The following HMSD variants were observed in gnomAD, a reference collection of about 807,000 sequenced individuals.
HMSD encodes histocompatibility minor serpin domain containing, also known as serpin-like protein HMSD.
HMSD carries 13 observed loss-of-function variants against 10.0 expected under a neutral mutation model. The observed-to-expected ratio is 1.31, with a 90% CI of 0.85 to 2.08. HMSD has a LOEUF of 2.08. Ranked by LOEUF, HMSD falls within the 30% of genes most tolerant of loss-of-function variation. The pLI is 0.00. For synonymous variants in HMSD, 51 were observed against 54.2 expected (o/e 0.94, Z 0.26); for missense variants, 169 against 166.3 (o/e 1.02, Z -0.09).
chr18:63,956,943 C>T (rs151028955), intron 3 of HMSD, among the ~76,000 whole-genome samples: 1,566 of 152,156 alleles, frequency 0.01, 15 homozygotes, highest in Non-Finnish European at 0.013. Flanking sequence ...GAACTGGAGG[C>T]TATTAATCAT....
At chr18:63,951,638 G>A (rs1450004664) in intron 1 of HMSD, among the ~76,000 whole-genome samples, 15 of 152,078 alleles carry the variant, frequency 9.9e-5, no homozygotes, top group African/African-American at 3.1e-4. Flanking sequence ...AAAAACAGAC[G>A]TGTAAAAAAA....
chr18:63,966,160 G>T (rs1462078801), downstream of HMSD, among the ~76,000 whole-genome samples: 2 of 152,152 alleles, frequency 1.3e-5, no homozygotes, highest in Non-Finnish European at 1.5e-5. Flanking sequence ...ATCGCAGTGT[G>T]GGTTTTCGTG....
chr18:63,950,718 A>G (rs1033842903), intron 1 of HMSD, among the ~76,000 whole-genome samples: 1 of 140,320 alleles, frequency 7.1e-6, no homozygotes, highest in African/African-American at 3.3e-5. Context: ...CAAAAAAAAG[A>G]AAAAAGCAAA....
At chr18:63,959,105 G>C (rs965940401) in intron 3 of HMSD, among the ~76,000 whole-genome samples, 1 of 152,146 alleles carries the variant, frequency 6.6e-6, no homozygotes, top group Non-Finnish European at 1.5e-5. Context: ...TACAGTCATG[G>C]GGGACAGCTT....
At chr18:63,951,433 C>T (rs1186675135) in intron 1 of HMSD, among the ~76,000 whole-genome samples, 1 of 152,020 alleles carries the variant, frequency 6.6e-6, no homozygotes, top group African/African-American at 2.4e-5. Flanking sequence ...CTAAATAAAC[C>T]TGCACTCACC....
Position 63,960,761 on chromosome 18 carries a change from C to G in HMSD, c.*406C>G, listed in dbSNP as rs17072265. 4,308 of 167,564 alleles carry G rather than the reference C, an allele frequency of 0.026. 220 individuals carry two copies. Among genetic ancestry groups the G allele is most frequent in the African/African-American group, 0.098 (4,088 of 41,612 alleles). The allele number at this position is 167,564 out of a possible 1,614,324, so 10.4% of individuals were successfully genotyped here. A position where few individuals can be genotyped will look rare whatever the true frequency, so the allele number is the denominator to read the frequency against. On this transcript the variant is annotated 3_prime_UTR_variant, in exon 4 of 4. Transcript: ENST00000408945. The stretch of plus-strand genomic sequence containing the variant: ...TGCAGCCAGAAAGACCCTGAGCCCT[C>G]AGAACTTCACTGACACAACCCATAT...
Position 63,954,498 on chromosome 18 carries a change from G to A in HMSD, c.163G>A (p.Glu55Lys), listed in dbSNP as rs1236436142. The change falls in exon 3 of 4, where the codon GAA becomes AAA. Residue 55 changes from glutamate (E) to lysine (K), a missense_variant. Glu to Lys is a moderately conservative substitution (Grantham distance 56, BLOSUM62 1). Coordinates refer to ENST00000408945, the MANE Select transcript of HMSD (RefSeq NM_001123366.2). ...LLVAINRTDT[E>K]YVLRTANGLF... is the part of the protein sequence containing the mutation. ...TGTTGCAATTAACAGAACTGACACTGAATATGTGCTTAGAACTGCCAACGG... is the reference window on the plus strand; with the variant it reads ...TGTTGCAATTAACAGAACTGACACTAAATATGTGCTTAGAACTGCCAACGG... 1.9e-6 allele frequency: 3 copies of A among 1,613,686 alleles called. No individual in the cohort carries two copies. The highest frequency in any genetic ancestry group is 2.2e-5 in the South Asian group (2 of 91,040).
intron 3 of HMSD, chr18:63,968,842 A>G (rs1371882615): frequency 2.6e-5 from 4 of 152,346 alleles, no homozygotes; most frequent in Admixed American, 2.6e-4. Flanking sequence ...GAGGGGTTTC[A>G]AAGTCATGGA....
intron 3 of HMSD, among the ~76,000 whole-genome samples, chr18:63,956,883 A>T (rs1568259363): frequency 6.6e-6 from 1 of 152,172 alleles, no homozygotes; most frequent in Non-Finnish European, 1.5e-5. Context: ...ACGAAATACG[A>T]TGCAGCCATA....
At chr18:63,950,415 CAAAAAAAAAA>C (rs562421091) in intron 1 of HMSD, among the ~76,000 whole-genome samples, 5 of 39,068 alleles carry the variant, frequency 1.3e-4, no homozygotes, top group East Asian at 1.3e-3. Flanking sequence ...GACTCTCTCT[CAAAAAAAAAA>C]AAAAAAAAAA....
At chr18:63,963,771 T>C (rs1192564028), downstream of HMSD, among the ~76,000 whole-genome samples, 1 of 152,222 alleles carries the variant, frequency 6.6e-6, no homozygotes, top group Admixed American at 6.5e-5. Context: ...ATAGTAAACC[T>C]GGATCCTGTA....
Position 63,961,312 on chromosome 18 carries a change from G to A in HMSD, c.*957G>A, listed in dbSNP as rs1052185925. ...AGAAATATAATATAATCAGACTTTA[G>A]CCATGTAAATCATAAAACATAGAGA... On this transcript the variant is annotated 3_prime_UTR_variant, in exon 4 of 4. Transcript: ENST00000408945. The A allele has an allele frequency of 1.3e-5, 2 of 151,970 alleles. No homozygotes were observed. Among genetic ancestry groups the A allele is most frequent in the Non-Finnish European group, 1.5e-5 (1 of 68,008 alleles). The allele number at this position is 151,970 out of a possible 1,614,324, so 9.4% of individuals were successfully genotyped here. A position where few individuals can be genotyped will look rare whatever the true frequency, so the allele number is the denominator to read the frequency against.
intron 2 of HMSD, among the ~76,000 whole-genome samples, chr18:63,953,850 T>G (rs1393926374): frequency 2.0e-5 from 3 of 152,212 alleles, no homozygotes; most frequent in Non-Finnish European, 4.4e-5. Context: ...CCTCCTTTTA[T>G]GTGGTCTTTC....
intron 3 of HMSD, among the ~76,000 whole-genome samples, chr18:63,959,500 G>A (rs930929263): frequency 3.3e-5 from 5 of 152,182 alleles, no homozygotes; most frequent in Non-Finnish European, 7.4e-5. Flanking sequence ...TCTGAGAGCA[G>A]ACGTTGCATG....
In HMSD at chr18:63,960,349, A is replaced by T. The variant is rs373353041; in HGVS notation, c.414A>T (p.Gln138His). ...SFIVSSLQNC[Q>H]I ...TAGTCAGTTCTTTACAAAACTGTCA[A>T]ATATAAAAAGGAGTCCTTTTTTCTC... Residue 138 changes from glutamine (Q) to histidine (H), a missense_variant, in exon 4 of 4, where the codon CAA (glutamine) becomes CAT (histidine). Transcript: ENST00000408945. 377 of 1,576,808 alleles carry T rather than the reference A, an allele frequency of 2.4e-4. No homozygotes were observed. The highest frequency in any genetic ancestry group is 3.1e-4 in the Non-Finnish European group (364 of 1,163,144).
At chr18:63,958,812 C>T (rs1454255069) in intron 3 of HMSD, among the ~76,000 whole-genome samples, 2 of 151,980 alleles carry the variant, frequency 1.3e-5, no homozygotes, top group African/African-American at 2.4e-5. Flanking sequence ...CAGAAAGTTC[C>T]GATGGACACT....
Position 63,953,444 on chromosome 18 carries a change from A to AT in HMSD, c.-5dup, listed in dbSNP as rs759548469. On this transcript the variant is annotated 5_prime_UTR_variant, in exon 2 of 4. Coordinates refer to ENST00000408945, the MANE Select transcript of HMSD (RefSeq NM_001123366.2). ...TAGGGGAAAACAACTCAAACAACTT[A>AT]TTTTTTTCCCCATGAGCATATCATC... The AT allele has an allele frequency of 1.1e-5, 18 of 1,611,538 alleles. No individual in the cohort carries two copies. The East Asian group carries it at 1.3e-4, about 12-fold the overall frequency.
rs2060020015 is a variant in HMSD at position 63,953,397 on chromosome 18, G to T, written c.-59G>T. 1 of 1,345,880 alleles carries T rather than the reference G, an allele frequency of 7.4e-7. No individual in the cohort carries two copies. Among genetic ancestry groups the T allele is most frequent in the African/African-American group, 1.4e-5 (1 of 69,416 alleles). The allele number at this position is 1,345,880 out of a possible 1,614,324, so 83.4% of individuals were successfully genotyped here. A position where few individuals can be genotyped will look rare whatever the true frequency, so the allele number is the denominator to read the frequency against. On this transcript the variant is annotated 5_prime_UTR_variant, in exon 2 of 4. Coordinates refer to ENST00000408945, the MANE Select transcript of HMSD (RefSeq NM_001123366.2). ...TCTATCAGAAGCAAATGGCACATTT[G>T]CATTAAACCTTTTGAAAAAGCTAGG...
chr18:63,964,019 C>T (rs572823027), downstream of HMSD, among the ~76,000 whole-genome samples: 5 of 152,338 alleles, frequency 3.3e-5, no homozygotes, highest in African/African-American at 9.6e-5. Context: ...AACTATATCC[C>T]TACCAGGCAT....
Sources: allele counts gnomAD v4.1 joint callset (sites outside exome capture counted in the v4.1 genomes callset), GRCh38; gene constraint gnomAD v4.1.1; transcripts MANE v1.5; gene names NCBI Gene and HGNC (gene_info 2026-07-23, HGNC 2026-07-21).